RPS6KA2: variants seen among roughly 807,000 people sequenced by gnomAD.
The protein encoded by RPS6KA2 is ribosomal protein S6 kinase alpha-2.
A neutral mutation model predicts 91.8 loss-of-function variants in RPS6KA2; 42 were observed. The observed-to-expected ratio is 0.46, with a 90% CI of 0.36 to 0.59. The LOEUF (loss-of-function observed/expected upper bound fraction) is 0.59, where lower values mean the gene tolerates loss of function less well. Among genes scored for constraint, RPS6KA2 ranks in the 20% least tolerant of loss-of-function variants. The pLI is 0.00. For synonymous variants in RPS6KA2, 414 were observed against 393.6 expected (o/e 1.05, Z -0.61); for missense variants, 798 against 978.5 (o/e 0.82, Z 2.46).
chr6:166,448,834 T>C lies in RPS6KA2; in HGVS notation c.1222A>G (p.Asn408Asp), dbSNP rs1296934475. Reference sequence around the variant, plus strand: ...TCGTAGCCATCGGTGAAGTGGATGTTGTTCCCGTGTAACTGCTGCAGAGGG... The same window carrying C: ...TCGTAGCCATCGGTGAAGTGGATGTCGTTCCCGTGTAACTGCTGCAGAGGG... ...HPIVQQLHGN[N>D]IHFTDGYEIK... Residue 408 changes from asparagine (N) to aspartate (D), a missense_variant, in exon 14 of 21, where the codon AAC becomes GAC. Coordinates refer to ENST00000265678, the MANE Select transcript of RPS6KA2 (RefSeq NM_021135.6). The surrounding 1 kb of genome is among the most constrained non-coding windows in gnomAD (Gnocchi z 4.7). 2 of 1,613,866 alleles carry C rather than the reference T, an allele frequency of 1.2e-6. No homozygotes were observed. Among genetic ancestry groups the C allele is most frequent in the African/African-American group, 2.7e-5 (2 of 74,928 alleles).
At chr6:166,775,633 T>G (rs1778595833) in intron 2 of RPS6KA2, among the ~76,000 whole-genome samples, 2 of 152,244 alleles carry the variant, frequency 1.3e-5, no homozygotes, top group African/African-American at 2.4e-5. Flanking sequence ...TATTTGGATT[T>G]CTGTCAGTTC....
At chr6:166,504,742 G>T in intron 5 of RPS6KA2, 130 bp from the exon 6 acceptor site, 1 of 605,668 alleles carries the variant, frequency 1.7e-6, no homozygotes, top group Non-Finnish European at 2.9e-6. Flanking sequence ...GAACGCTATG[G>T]CCCCCCAGAG....
At chr6:166,855,501 G>GAGGAAGAAGAAGAGGAA (rs1562473354) in intron 2 of RPS6KA2, among the ~76,000 whole-genome samples, 5 of 139,774 alleles carry the variant, frequency 3.6e-5, no homozygotes, top group Non-Finnish European at 6.3e-5. Context: ...AAGAAGAAGA[G>GAGGAAGAAGAAGAGGAA]GAAGAAGAAG....
intron 17 of RPS6KA2, among the ~76,000 whole-genome samples, chr6:166,422,287 C>G (rs1778750011): frequency 6.6e-6 from 1 of 152,196 alleles, no homozygotes; most frequent in South Asian, 2.1e-4. Context: ...AGTCCAGCCC[C>G]TGGCTGCACA....
At chr6:166,550,757 C>T (rs1783977005) in intron 1 of RPS6KA2, among the ~76,000 whole-genome samples, 1 of 152,072 alleles carries the variant, frequency 6.6e-6, no homozygotes, top group South Asian at 2.1e-4. Flanking sequence ...AATCCCAGCA[C>T]TTTGGGAGGC....
At position 166,767,634 on chromosome 6, in the gene RPS6KA2, C is replaced by T. The variant is rs547855578; in HGVS notation, c.123+90566G>A. Among the ~76,000 whole-genome samples the T allele has an allele frequency of 2.0e-3, 305 of 152,296 alleles. No individual in the cohort carries two copies. The highest frequency in any genetic ancestry group is 7.0e-3 in the African/African-American group (293 of 41,568). On this transcript the variant is annotated intron_variant, in intron 2 of 21. Transcript: ENST00000503859. The surrounding 1 kb of genome is among the most constrained non-coding windows in gnomAD (Gnocchi z 4.6). ...AGCGTCCACAATGTTCCAGGCTTAG[C>T]CCCCGCACTGCAGCTCCCTAAGTTG...
At chr6:166,426,175 A>C (rs1316860115) in intron 16 of RPS6KA2, among the ~76,000 whole-genome samples, 1 of 152,146 alleles carries the variant, frequency 6.6e-6, no homozygotes, top group African/African-American at 2.4e-5. Flanking sequence ...ACTACATGGA[A>C]ACTGAACAAC....
chr6:166,738,463 CAG>C (rs1491208307), intron 2 of RPS6KA2, among the ~76,000 whole-genome samples: 2 of 152,184 alleles, frequency 1.3e-5, no homozygotes, highest in East Asian at 1.9e-4. Context: ...ACCCTCAAAA[CAG>C]AGGAATTCAT....
At chr6:166,755,025 C>T (rs1777968236) in intron 2 of RPS6KA2, among the ~76,000 whole-genome samples, 1 of 152,182 alleles carries the variant, frequency 6.6e-6, no homozygotes, top group South Asian at 2.1e-4. Flanking sequence ...TTCCACGAGC[C>T]CCTCCTCGTA....
Position 166,770,914 on chromosome 6 carries a change from C to G in RPS6KA2, c.123+87286G>C, listed in dbSNP as rs1407594060. ...TGCAGGCAGCTGAGTCACTTTTGCCCTGTGAAAATGGAAACGAAGAAAGAA... is the reference window on the plus strand; with the variant it reads ...TGCAGGCAGCTGAGTCACTTTTGCCGTGTGAAAATGGAAACGAAGAAAGAA... On this transcript the variant is annotated intron_variant, in intron 2 of 21. Coordinates refer to the RPS6KA2 transcript ENST00000503859. This position sits in a 1 kb window ranked among gnomAD's most constrained non-coding sequence, Gnocchi z 5.1. The G allele has an allele frequency of 6.3e-7, 1 of 1,596,356 alleles. No homozygotes were observed. The highest frequency in any genetic ancestry group is 8.5e-7 in the Non-Finnish European group (1 of 1,179,338).
intron 11 of RPS6KA2, among the ~76,000 whole-genome samples, chr6:166,468,422 T>C (rs1562515048): frequency 6.6e-6 from 1 of 152,222 alleles, no homozygotes; most frequent in Admixed American, 6.5e-5. Context: ...GTTTGAGTGC[T>C]TTGCTGGGGC....
intron 2 of RPS6KA2, among the ~76,000 whole-genome samples, chr6:166,687,492 G>A (rs970822029): frequency 1.3e-5 from 2 of 152,198 alleles, no homozygotes; most frequent in Non-Finnish European, 2.9e-5. Flanking sequence ...GAGGCCAGCG[G>A]GGTTTTTCAC....
At chr6:166,505,876 C>CT (rs1782202115) in intron 5 of RPS6KA2, among the ~76,000 whole-genome samples, 1 of 152,240 alleles carries the variant, frequency 6.6e-6, no homozygotes, top group East Asian at 1.9e-4. Context: ...TGGCCTGGTT[C>CT]TTTCCTCTGA....
At chr6:166,488,516 CCTTAG>C (rs1206965640) in intron 10 of RPS6KA2, among the ~76,000 whole-genome samples, 4 of 152,218 alleles carry the variant, frequency 2.6e-5, no homozygotes, top group Non-Finnish European at 5.9e-5. Flanking sequence ...ACGGTTCTGT[CCTTAG>C]CTTAGAGACT....
At chr6:166,564,564 G>C (rs1241045038) in intron 1 of RPS6KA2, among the ~76,000 whole-genome samples, 1 of 152,200 alleles carries the variant, frequency 6.6e-6, no homozygotes, top group Non-Finnish European at 1.5e-5. Context: ...AATGACAGTT[G>C]ACAGATTTCA....
intron 5 of RPS6KA2, among the ~76,000 whole-genome samples, chr6:166,507,042 C>T (rs1341955732): frequency 1.3e-5 from 2 of 152,000 alleles, no homozygotes; most frequent in Non-Finnish European, 2.9e-5. Context: ...AAGGAGAAGC[C>T]CTGGGGTGTG....
rs139738379 is a variant in RPS6KA2, at chr6:166,574,862, A to G, written c.100-36078T>C. On this transcript the variant is annotated intron_variant, in intron 1 of 20. Coordinates refer to ENST00000265678, the MANE Select transcript of RPS6KA2 (RefSeq NM_021135.6). ...GCAGTAAAATATCTGACTAGGTTCT[A>G]TATAAATGAAACTTGTATTACCTAC... Among the ~76,000 whole-genome samples, 1,258 of 152,354 alleles carry G rather than the reference A, an allele frequency of 8.3e-3. 20 individuals are homozygous for G. Among genetic ancestry groups the G allele is most frequent in the African/African-American group, 0.026 (1,071 of 41,578 alleles).
chr6:166,480,175 C>A (rs1044209275), intron 10 of RPS6KA2, among the ~76,000 whole-genome samples: 3 of 151,996 alleles, frequency 2.0e-5, no homozygotes, highest in Non-Finnish European at 4.4e-5. Context: ...CCCCTTCACC[C>A]GGAAGTTGGG....
At chr6:166,730,426 T>G (rs1260240312) in intron 2 of RPS6KA2, among the ~76,000 whole-genome samples, 11 of 152,232 alleles carry the variant, frequency 7.2e-5, no homozygotes, top group Admixed American at 7.2e-4. Flanking sequence ...TTTATAAAAT[T>G]ATGTGGATGT....
Sources: allele counts gnomAD v4.1 joint callset (sites outside exome capture counted in the v4.1 genomes callset), GRCh38; gene constraint gnomAD v4.1.1; non-coding constraint Gnocchi (gnomAD v3.1); transcripts MANE v1.5; gene names NCBI Gene and HGNC (gene_info 2026-07-23, HGNC 2026-07-21).